The following DUS2 variants were observed in gnomAD, a reference collection of about 807,000 sequenced individuals.
The protein encoded by DUS2 is tRNA-dihydrouridine(20) synthase [NAD(P)+]-like.
In DUS2, 52 loss-of-function variants were observed where a neutral mutation model predicts 71.3. The observed-to-expected ratio is 0.73, with a 90% CI of 0.58 to 0.92. The LOEUF (loss-of-function observed/expected upper bound fraction) is 0.92. Ranked by LOEUF, DUS2 falls within the 40% of genes least tolerant of loss-of-function variation. The probability of loss-of-function intolerance (pLI) is 0.00; values close to 1 mark genes in which losing one functional copy is unlikely to be tolerated. For missense variants in DUS2, 558 were observed against 622.6 expected, an observed-to-expected ratio of 0.90 and a Z score of 1.10; for synonymous variants, 204 against 227.8, an observed-to-expected ratio of 0.90 and a Z score of 0.94.
chr16:68,075,316 C>T (rs532387421), intron 13 of DUS2, 39 bp from the exon 14 acceptor site: 42 of 1,524,320 alleles, frequency 2.8e-5, no homozygotes, highest in African/African-American at 1.4e-4. Context: ...ATGCTGGCTC[C>T]GCTAAAGTGT....
chr16:68,023,329 CT>C lies in DUS2; in HGVS notation c.-116del. Reference sequence around the variant, plus strand: ...AGCACCGTGAGGAAGAAGCGAGGTTCTTTTTAAGAGTTCAGCTGCGAGGTCT... The same window carrying C: ...AGCACCGTGAGGAAGAAGCGAGGTTCTTTTAAGAGTTCAGCTGCGAGGTCT... On this transcript the variant is annotated 5_prime_UTR_variant, in exon 1 of 17. Transcript: ENST00000565263. 1.7e-6 allele frequency: 2 copies of C among 1,188,654 alleles called. No homozygotes were observed. Among genetic ancestry groups the C allele is most frequent in the Non-Finnish European group, 2.3e-6 (2 of 861,026 alleles). The allele number at this position is 1,188,654 out of a possible 1,614,324, so 73.6% of individuals were successfully genotyped here. A position where few individuals can be genotyped will look rare whatever the true frequency, so the allele number is the denominator to read the frequency against.
At chr16:68,034,707 A>G (rs1356082579) in intron 2 of DUS2, among the ~76,000 whole-genome samples, 1 of 152,062 alleles carries the variant, frequency 6.6e-6, no homozygotes, top group Non-Finnish European at 1.5e-5. Context: ...GTTAGAATAA[A>G]TCATATTAGG....
At chr16:68,027,321 C>T (rs900385716) in intron 2 of DUS2, among the ~76,000 whole-genome samples, 1 of 151,986 alleles carries the variant, frequency 6.6e-6, no homozygotes, top group Non-Finnish European at 1.5e-5. Flanking sequence ...TTACTGTGAC[C>T]TCCGCCTCCC....
intron 4 of DUS2, among the ~76,000 whole-genome samples, chr16:68,050,614 G>A (rs369028537): frequency 2.0e-5 from 3 of 152,112 alleles, no homozygotes; most frequent in Non-Finnish European, 2.9e-5. Context: ...AAAATATGAC[G>A]TGTTTATATA....
Position 68,075,504 on chromosome 16 carries a change from G to A in DUS2, c.1082G>A (p.Arg361Gln), listed in dbSNP as rs374338881. Residue 361 changes from arginine (R) to glutamine (Q), a missense_variant and splice_region_variant, in exon 14 of 17, where the codon CGG becomes CAG. By Grantham distance (43) the Arg-to-Gln change is conservative. Coordinates refer to ENST00000565263, the MANE Select transcript of DUS2 (RefSeq NM_017803.5). ...GVIKMAVKFD[R>Q]RAYPAQITPK... is the part of the protein sequence containing the mutation. ...ATTAAGATGGCTGTCAAGTTTGACC[G>A]GTAGGTCTCCAGCTTGGCCTCAGCT... is the stretch of plus-strand genomic sequence containing the variant. The A allele has an allele frequency of 1.4e-5, 23 of 1,610,168 alleles. No homozygotes were observed. The highest frequency in any genetic ancestry group is 2.2e-5 in the South Asian group (2 of 90,150).
intron 5 of DUS2, among the ~76,000 whole-genome samples, chr16:68,054,340 TTA>T (rs773556044): frequency 1.3e-5 from 2 of 152,242 alleles, no homozygotes; most frequent in Non-Finnish European, 2.9e-5. Context: ...TTCAAGTTTT[TTA>T]TATGTTTGAG....
At chr16:68,029,287 TTC>T (rs2033403677) in intron 2 of DUS2, among the ~76,000 whole-genome samples, 1 of 152,146 alleles carries the variant, frequency 6.6e-6, no homozygotes, top group Admixed American at 6.6e-5. Flanking sequence ...GTATTTTGTT[TTC>T]TGTTTTTAAT....
At chr16:68,066,753 ACC>A in intron 10 of DUS2, 117 bp downstream of exon 10, 1 of 1,007,578 alleles carries the variant, frequency 9.9e-7, no homozygotes, top group Non-Finnish European at 1.5e-6. Context: ...TATTCAGCCT[ACC>A]TCTGCCTAGC....
intron 3 of DUS2, among the ~76,000 whole-genome samples, chr16:68,041,587 TG>T (rs1354964640): frequency 2.0e-5 from 3 of 151,986 alleles, no homozygotes; most frequent in African/African-American, 7.3e-5. Flanking sequence ...CCGAGGCAGG[TG>T]GATCACCTGA....
intron 3 of DUS2, among the ~76,000 whole-genome samples, chr16:68,043,128 G>C (rs1311733625): frequency 6.6e-6 from 1 of 152,070 alleles, no homozygotes; most frequent in Non-Finnish European, 1.5e-5. Flanking sequence ...GCTGGGATTG[G>C]CTGGGCGTGA....
intron 14 of DUS2, among the ~76,000 whole-genome samples, chr16:68,076,203 T>A (rs1021371684): frequency 6.6e-6 from 1 of 152,104 alleles, no homozygotes; most frequent in African/African-American, 2.4e-5. Flanking sequence ...CAGCAGATGA[T>A]CATGACACTT....
At chr16:68,072,327 T>C (rs2034098916) in intron 12 of DUS2, among the ~76,000 whole-genome samples, 1 of 152,158 alleles carries the variant, frequency 6.6e-6, no homozygotes, top group African/African-American at 2.4e-5. Flanking sequence ...CTGGGATAGC[T>C]CCATGGCAAG....
chr16:68,066,666 G>T, intron 10 of DUS2, 30 bp downstream of exon 10: 1 of 1,609,548 alleles, frequency 6.2e-7, no homozygotes, highest in South Asian at 1.1e-5. Flanking sequence ...GTGACTGGCA[G>T]GGAGGTCCTA....
chr16:68,058,189 A>G (rs1598311800), intron 7 of DUS2, among the ~76,000 whole-genome samples: 1 of 151,900 alleles, frequency 6.6e-6, no homozygotes, highest in Admixed American at 6.6e-5. Flanking sequence ...CTTGGTTGGT[A>G]AAAGATCAGC....
chr16:68,056,494 G>A (rs2033852902), intron 7 of DUS2, 70 bp downstream of exon 7: 3 of 1,267,284 alleles, frequency 2.4e-6, no homozygotes, highest in Admixed American at 1.7e-5. Flanking sequence ...ACATAACTAA[G>A]TATAGTACCT....
intron 3 of DUS2, among the ~76,000 whole-genome samples, chr16:68,039,421 A>AT (rs1201982856): frequency 2.0e-4 from 30 of 146,618 alleles, no homozygotes; most frequent in Admixed American, 4.8e-4. Context: ...CCCTGTTTCT[A>AT]TTTTTTTTTT....
At chr16:68,063,666 G>C (rs1443938364) in intron 8 of DUS2, among the ~76,000 whole-genome samples, 1 of 152,070 alleles carries the variant, frequency 6.6e-6, no homozygotes, top group Non-Finnish European at 1.5e-5. Context: ...CTTCTACCAG[G>C]TAACTCTGAT....
intron 1 of DUS2, among the ~76,000 whole-genome samples, chr16:68,024,183 A>G (rs938130425): frequency 2.1e-5 from 3 of 141,810 alleles, no homozygotes; most frequent in Non-Finnish European, 4.5e-5. Flanking sequence ...TGCAACCTCC[A>G]CCTCCTGGGT....
intron 10 of DUS2, among the ~76,000 whole-genome samples, chr16:68,069,068 A>T (rs1448056234): frequency 3.9e-5 from 6 of 152,114 alleles, no homozygotes; most frequent in Admixed American, 3.9e-4. Flanking sequence ...CTAGGTTGAC[A>T]GGGCCCTCGA....
Sources: allele counts gnomAD v4.1 joint callset (sites outside exome capture counted in the v4.1 genomes callset), GRCh38; gene constraint gnomAD v4.1.1; transcripts MANE v1.5; gene names NCBI Gene and HGNC (gene_info 2026-07-23, HGNC 2026-07-21).